The following ITPKB variants were observed in gnomAD, a reference collection of about 807,000 sequenced individuals.
ITPKB encodes the protein IP3 3-kinase B.
Under a neutral mutation model 69.4 loss-of-function variants are expected in ITPKB, and 13 were observed. That is an observed-to-expected ratio of 0.19 (90% CI 0.12 to 0.30). The LOEUF is 0.30. Among genes scored for constraint, ITPKB ranks in the 10% least tolerant of loss-of-function variants. The pLI is 1.00. For synonymous variants in ITPKB, 584 were observed against 513.7 expected (o/e 1.14, Z -1.85); for missense variants, 1,240 against 1,250.5 (o/e 0.99, Z 0.13).
rs1668949057 is a variant in ITPKB at position 226,641,035 on chromosome 1, A to T, written c.2451+886T>A. 6.6e-6 allele frequency among the ~76,000 whole-genome samples: 1 copy of T among 152,194 alleles called. No individual in the cohort carries two copies. Among genetic ancestry groups the T allele is most frequent in the South Asian group, 2.1e-4 (1 of 4,826 alleles). Reference sequence around the variant, plus strand: ...AGAATGGGAGACCCGACAACCCCACAGGGACTGCCATCTGCTCAAGAGGGA... The same window carrying T: ...AGAATGGGAGACCCGACAACCCCACTGGGACTGCCATCTGCTCAAGAGGGA... On this transcript the variant is annotated intron_variant, in intron 5 of 7. Coordinates refer to ENST00000429204, the MANE Select transcript of ITPKB (RefSeq NM_002221.4). This position sits in a 1 kb window ranked among gnomAD's most constrained non-coding sequence, Gnocchi z 4.6.
intron 2 of ITPKB, among the ~76,000 whole-genome samples, chr1:226,710,097 CCT>C (rs1204814291): frequency 2.6e-5 from 4 of 152,142 alleles, no homozygotes; most frequent in South Asian, 2.1e-4. Flanking sequence ...TCTCCTCTCC[CCT>C]GACTCACGGC....
rs1415116717 is a variant in ITPKB, at chr1:226,737,284, G to A, written c.175C>T (p.Pro59Ser). ...TCGGGGGACAGCGACTCGGCTGGGG[G>A]GAAGAGGAAAGAGGCGCCTCTCCCG... ...SPGRGASFLFPPAESLSPEEP... is the reference protein window; with the variant it reads ...SPGRGASFLFSPAESLSPEEP... The change falls in exon 2 of 8, where the codon CCC becomes TCC. Residue 59 changes from proline (P) to serine (S), a missense_variant. Physicochemically the swap from Pro to Ser is moderately conservative, Grantham distance 74 (BLOSUM62 -1). This residue lies in a region of ITPKB where 992 missense variants were observed against 853.8 expected (regional missense o/e 1.16). Coordinates refer to ENST00000429204, the MANE Select transcript of ITPKB (RefSeq NM_002221.4). 2.6e-6 allele frequency: 4 copies of A among 1,559,194 alleles called. No individual in the cohort carries two copies. In the African/African-American group the frequency reaches 4.1e-5, roughly 16 times the overall value.
intron 2 of ITPKB, among the ~76,000 whole-genome samples, chr1:226,726,092 T>C (rs1378738754): frequency 6.6e-6 from 1 of 152,158 alleles, no homozygotes; most frequent in African/African-American, 2.4e-5. Flanking sequence ...TGTATACACG[T>C]CTTATTTGGA....
intron 2 of ITPKB, among the ~76,000 whole-genome samples, chr1:226,687,432 C>T (rs989700946): frequency 1.3e-5 from 2 of 152,172 alleles, no homozygotes; most frequent in African/African-American, 4.8e-5. Context: ...ATCTGCCCTC[C>T]CACATCACAC....
At position 226,647,423 on chromosome 1, in the gene ITPKB, T is replaced by C. The variant is rs750002766; in HGVS notation, c.2033-43A>G. 12 of 1,487,590 alleles carry C rather than the reference T, an allele frequency of 8.1e-6. 1 individual carries two copies. The Middle Eastern group carries it at 6.8e-4, about 85-fold the overall frequency. The allele number at this position is 1,487,590 out of a possible 1,614,324, so 92.1% of individuals were successfully genotyped here. On this transcript the variant is annotated intron_variant, in intron 3 of 7. Coordinates refer to ENST00000429204, the MANE Select transcript of ITPKB (RefSeq NM_002221.4). ...AAGGTTCCTGGTCTCCGGCTGCAGGTAGCTGGCAGAGGCACCCTCCCCAGC... is the reference window on the plus strand; with the variant it reads ...AAGGTTCCTGGTCTCCGGCTGCAGGCAGCTGGCAGAGGCACCCTCCCCAGC...
chr1:226,724,611 A>G (rs148396805), intron 2 of ITPKB, among the ~76,000 whole-genome samples: 16 of 152,314 alleles, frequency 1.1e-4, no homozygotes, highest in African/African-American at 3.4e-4. Context: ...TGAGGAGCAG[A>G]AAGTTTTCTC....
At chr1:226,648,862 G>A (rs1447959319) in intron 2 of ITPKB, 91 bp from the exon 3 acceptor site, 6 of 893,754 alleles carry the variant, frequency 6.7e-6, no homozygotes, top group Non-Finnish European at 9.4e-6. Flanking sequence ...CTCATTGCCT[G>A]TGGCCACAAG....
Position 226,634,772 on chromosome 1 carries a change from C to A in ITPKB, c.2740G>T (p.Val914Phe). 1.3e-6 allele frequency: 2 copies of A among 1,486,700 alleles called. No homozygotes were observed. The highest frequency in any genetic ancestry group is 1.9e-6 in the Non-Finnish European group (2 of 1,063,688). The allele number at this position is 1,486,700 out of a possible 1,614,324, so 92.1% of individuals were successfully genotyped here. A position where few individuals can be genotyped will look rare whatever the true frequency, so the allele number is the denominator to read the frequency against. Residue 914 changes from valine (V) to phenylalanine (F), a missense_variant, in exon 8 of 8, where the codon GTC becomes TTC. Val to Phe is a conservative substitution (Grantham distance 50). Coordinates refer to ENST00000429204, the MANE Select transcript of ITPKB (RefSeq NM_002221.4). The surrounding 1 kb of genome is among the most constrained non-coding windows in gnomAD (Gnocchi z 6.3). ...LPEGQTLQHD[V>F]PWQEGNREDG... ...TCCCGGTTCCCCTCCTGCCAGGGGA[C>A]GTCATGCTGCAGGGTCTGGCCCTCA...
intron 2 of ITPKB, among the ~76,000 whole-genome samples, chr1:226,733,804 G>A (rs1159097199): frequency 2.0e-5 from 3 of 151,778 alleles, no homozygotes; most frequent in African/African-American, 4.8e-5. Flanking sequence ...CTGGCAAATG[G>A]AAAAAAAAGT....
chr1:226,730,584 C>T (rs1419096140), intron 2 of ITPKB, among the ~76,000 whole-genome samples: 6 of 152,264 alleles, frequency 3.9e-5, no homozygotes, highest in Non-Finnish European at 5.9e-5. Context: ...CCTGAGGCTG[C>T]GATCACAACA....
intron 2 of ITPKB, among the ~76,000 whole-genome samples, chr1:226,651,949 A>G (rs1353486558): frequency 6.6e-6 from 1 of 152,198 alleles, no homozygotes; most frequent in East Asian, 1.9e-4. Flanking sequence ...CAAGGCCCTG[A>G]GAGTCCCCCA....
At chr1:226,663,775 C>T (rs1669443742) in intron 2 of ITPKB, among the ~76,000 whole-genome samples, 1 of 152,180 alleles carries the variant, frequency 6.6e-6, no homozygotes, top group Admixed American at 6.5e-5. Flanking sequence ...AAGAAGTGAT[C>T]CACCCCCCAC....
chr1:226,686,043 CA>C (rs1656209794), intron 2 of ITPKB, among the ~76,000 whole-genome samples: 1 of 152,212 alleles, frequency 6.6e-6, no homozygotes, highest in African/African-American at 2.4e-5. Flanking sequence ...CCCAGGTTAA[CA>C]AGGCAAGTTG....
At chr1:226,713,549 T>C (rs1657025796) in intron 2 of ITPKB, among the ~76,000 whole-genome samples, 1 of 151,918 alleles carries the variant, frequency 6.6e-6, no homozygotes, top group African/African-American at 2.4e-5. Flanking sequence ...AGGGCCAGAG[T>C]CGTGGTCTGG....
At chr1:226,671,263 A>AGTTT (rs1669612764) in intron 2 of ITPKB, among the ~76,000 whole-genome samples, 1 of 152,170 alleles carries the variant, frequency 6.6e-6, no homozygotes, top group Non-Finnish European at 1.5e-5. Flanking sequence ...TTCAAACAAC[A>AGTTT]TGGGTAAGAA....
chr1:226,707,513 A>G (rs1656831910), intron 2 of ITPKB: 1 of 984,794 alleles, frequency 1.0e-6, no homozygotes, highest in African/African-American at 1.7e-5. Flanking sequence ...GTAAAATTTT[A>G]AGAGAAAAAC....
At position 226,641,847 on chromosome 1, in the gene ITPKB, G is replaced by A. The variant is rs1156970067; in HGVS notation, c.2451+74C>T. On this transcript the variant is annotated intron_variant, in intron 5 of 7. Coordinates refer to ENST00000429204, the MANE Select transcript of ITPKB (RefSeq NM_002221.4). This position sits in a 1 kb window ranked among gnomAD's most constrained non-coding sequence, Gnocchi z 4.6. ...CTGGAGAAGCTTACAGCTTCCAAAGGGCGCTGAGAGAAGCCAAGCCCCCTG... is the reference window on the plus strand; with the variant it reads ...CTGGAGAAGCTTACAGCTTCCAAAGAGCGCTGAGAGAAGCCAAGCCCCCTG... 8.9e-6 allele frequency: 12 copies of A among 1,355,506 alleles called. 1 individual carries two copies. Among genetic ancestry groups the A allele is most frequent in the Non-Finnish European group, 1.2e-5 (12 of 974,300 alleles). 84.0% of individuals were successfully genotyped at this position (1,355,506 alleles called of 1,614,324 possible).
At position 226,641,809 on chromosome 1, in the gene ITPKB, T is replaced by C; in HGVS notation, c.2451+112A>G. ...TGGCCTTGGGGCGGGCCACCCACAT[T>C]CTGAGCCTGTGCCTGGAGAAGCTTA... On this transcript the variant is annotated intron_variant, in intron 5 of 7. Coordinates refer to ENST00000429204, the MANE Select transcript of ITPKB (RefSeq NM_002221.4). The surrounding 1 kb of genome is among the most constrained non-coding windows in gnomAD (Gnocchi z 4.6). 9.8e-7 allele frequency: 1 copy of C among 1,018,830 alleles called. No homozygotes were observed. The highest frequency in any genetic ancestry group is 1.5e-6 in the Non-Finnish European group (1 of 688,036). The allele number at this position is 1,018,830 out of a possible 1,614,324, so 63.1% of individuals were successfully genotyped here. A position where few individuals can be genotyped will look rare whatever the true frequency, so the allele number is the denominator to read the frequency against.
Position 226,634,549 on chromosome 1 carries a change from T to C in ITPKB, c.*122A>G. 1 of 610,918 alleles carries C rather than the reference T, an allele frequency of 1.6e-6. No homozygotes were observed. Among genetic ancestry groups the C allele is most frequent in the South Asian group, 1.9e-5 (1 of 51,490 alleles). The allele number at this position is 610,918 out of a possible 1,614,324, so 37.8% of individuals were successfully genotyped here. A position where few individuals can be genotyped will look rare whatever the true frequency, so the allele number is the denominator to read the frequency against. On this transcript the variant is annotated 3_prime_UTR_variant, in exon 8 of 8. Coordinates refer to ENST00000429204, the MANE Select transcript of ITPKB (RefSeq NM_002221.4). The surrounding 1 kb of genome is among the most constrained non-coding windows in gnomAD (Gnocchi z 6.3). ...AACTCTCATCTCCTCTTCTACAAAG[T>C]GTCTTGTAGTGCAGTTCAGGAGGGT...
Sources: gnomAD v4.1 joint callset for allele counts (sites outside exome capture counted in the v4.1 genomes callset) on GRCh38, gnomAD v4.1.1 for gene constraint, gnomAD v4.1.1 regional missense constraint, Gnocchi (gnomAD v3.1) non-coding constraint, MANE v1.5 for transcripts, NCBI Gene and HGNC (gene_info 2026-07-23, HGNC 2026-07-21) for gene names.